Variants in VWA5B1 observed in about 807,000 individuals in gnomAD.
VWA5B1 encodes the protein von Willebrand factor A domain containing 5B1.
Under a neutral mutation model 118.2 loss-of-function variants are expected in VWA5B1, and 115 were observed. The ratio of observed to expected loss-of-function variants is 0.97; its 90% CI spans 0.84 to 1.14. VWA5B1 has a LOEUF of 1.14. VWA5B1 is among the 50% of genes most tolerant of loss of function. VWA5B1 has a pLI of 0.00. For synonymous variants in VWA5B1, 682 were observed against 658.4 expected (o/e 1.04, Z -0.55); for missense variants, 1,596 against 1,603.8 (o/e 1.00, Z 0.08).
intron 1 of VWA5B1, among the ~76,000 whole-genome samples, chr1:20,306,436 G>A (rs903720349): frequency 1.3e-5 from 2 of 152,166 alleles, no homozygotes; most frequent in Non-Finnish European, 2.9e-5. Context: ...GCTCCACTGG[G>A]AATAGACTGT....
At chr1:20,309,708 G>A (rs76510657) in intron 1 of VWA5B1, among the ~76,000 whole-genome samples, 1 of 152,292 alleles carries the variant, frequency 6.6e-6, no homozygotes, top group African/African-American at 2.4e-5. Context: ...TCCAGTTTAT[G>A]TGTCCAGAAT....
intron 2 of VWA5B1, 97 bp downstream of exon 2, chr1:20,310,837 T>C (rs1255277165): frequency 6.4e-6 from 9 of 1,396,734 alleles, no homozygotes. Flanking sequence ...AGGCAAGTCA[T>C]GCCACCCCTC....
chr1:20,303,468 G>T (rs1018864739), intron 1 of VWA5B1: 2 of 152,370 alleles, frequency 1.3e-5, no homozygotes, highest in African/African-American at 4.8e-5. Flanking sequence ...AGGGTCAGGG[G>T]TTACTAAGGC....
At chr1:20,351,749 C>A (rs977374285) in intron 20 of VWA5B1, among the ~76,000 whole-genome samples, 1 of 152,174 alleles carries the variant, frequency 6.6e-6, no homozygotes, top group Non-Finnish European at 1.5e-5. Flanking sequence ...GAGGTTGAGG[C>A]TGCAGTAAGC....
intron 1 of VWA5B1, among the ~76,000 whole-genome samples, chr1:20,294,944 A>G (rs1188767562): frequency 2.0e-5 from 3 of 152,196 alleles, no homozygotes; most frequent in African/African-American, 7.2e-5. Context: ...AGCCTTGGAG[A>G]GCTCAAAGAG....
rs559951744 is a variant in VWA5B1 at position 20,297,317 on chromosome 1, C to T, written c.-27+6229C>T. On this transcript the variant is annotated intron_variant, in intron 1 of 21. Coordinates refer to ENST00000289815, the MANE Select transcript of VWA5B1 (RefSeq NM_001039500.3). The stretch of plus-strand genomic sequence containing the variant: ...TGTACAAAGTAGGCCGTGCCTCTAA[C>T]GGAGGCTCCTTGGGGGCACATTCCT... 9.8e-5 allele frequency among the ~76,000 whole-genome samples: 15 copies of T among 152,364 alleles called. No homozygotes were observed. In the East Asian group the frequency reaches 2.3e-3, roughly 23 times the overall value.
In VWA5B1 at chr1:20,350,632, T is replaced by C. The variant is rs574733766; in HGVS notation, c.2954-225T>C. Reference sequence around the variant, plus strand: ...TAACTTTCCAGAAGATCCCAGGGGCTGCCGGCCAAGGAATCTTAGAGGCCA... The same window carrying C: ...TAACTTTCCAGAAGATCCCAGGGGCCGCCGGCCAAGGAATCTTAGAGGCCA... On this transcript the variant is annotated intron_variant, in intron 19 of 21. Transcript: ENST00000289815. 1.4e-4 allele frequency among the ~76,000 whole-genome samples: 21 copies of C among 152,374 alleles called. No homozygotes were observed. In the East Asian group the frequency reaches 4.0e-3, roughly 29 times the overall value.
chr1:20,312,642 C>T (rs2088882510), intron 2 of VWA5B1, among the ~76,000 whole-genome samples, 194 bp from the exon 3 acceptor site: 1 of 152,196 alleles, frequency 6.6e-6, no homozygotes, highest in Non-Finnish European at 1.5e-5. Flanking sequence ...AAGAGCTGGC[C>T]CTGCCGCTGT....
chr1:20,291,359 T>TTCTCTCTCTCTCTCTCTCTC (rs67596546), intron 1 of VWA5B1, among the ~76,000 whole-genome samples: 8 of 103,344 alleles, frequency 7.7e-5, no homozygotes, highest in African/African-American at 1.1e-4. Flanking sequence ...CTTTCTTTCT[T>TTCTCTCTCTCTCTCTCTCTC]TCTCTCTCTC....
chr1:20,353,870 G>C lies in VWA5B1; in HGVS notation c.3255G>C (p.Val1085=). 6.5e-7 allele frequency: 1 copy of C among 1,544,442 alleles called. No individual in the cohort carries two copies. ...CGTCCCCCTTCACCTGCCATCGAGTGTCCCTCACCACCCGCCCGTCTGAGT... is the reference window on the plus strand; with the variant it reads ...CGTCCCCCTTCACCTGCCATCGAGTCTCCCTCACCACCCGCCCGTCTGAGT... ...KWTSPFTCHR[V]SLTTRPSESK... The change falls in exon 22 of 22, where the codon GTG becomes GTC. Residue 1085 remains valine (V), a synonymous_variant. Coordinates refer to ENST00000289815, the MANE Select transcript of VWA5B1 (RefSeq NM_001039500.3).
At chr1:20,303,534 G>A (rs1211554916) in intron 1 of VWA5B1, among the ~76,000 whole-genome samples, 1 of 152,196 alleles carries the variant, frequency 6.6e-6, no homozygotes, top group Non-Finnish European at 1.5e-5. Context: ...AGGAAGCTAA[G>A]GCACAAGGAG....
chr1:20,325,427 C>T (rs6678511), intron 8 of VWA5B1, among the ~76,000 whole-genome samples: 23,982 of 152,110 alleles, frequency 0.16, 2,481 homozygotes, highest in African/African-American at 0.28. Flanking sequence ...TATATCCCTC[C>T]GCTCCCCTCC....
chr1:20,345,712 A>G, intron 17 of VWA5B1, 119 bp downstream of exon 17: 2 of 1,359,888 alleles, frequency 1.5e-6, no homozygotes, highest in Non-Finnish European at 1.9e-6. Flanking sequence ...GACAGGGCCT[A>G]GAAGCAGAAA....
intron 4 of VWA5B1, among the ~76,000 whole-genome samples, chr1:20,315,421 C>A (rs139001537): frequency 6.6e-6 from 1 of 152,334 alleles, no homozygotes; most frequent in East Asian, 1.9e-4. Context: ...TGGACAGTTT[C>A]TCTGTCCTCC....
At chr1:20,303,099 G>A (rs2088543193) in intron 1 of VWA5B1, 1 of 152,346 alleles carries the variant, frequency 6.6e-6, no homozygotes, top group South Asian at 2.1e-4. Context: ...AAGAGTGTTG[G>A]TGCTATTGGT....
chr1:20,327,186 T>G (rs2089412252), intron 8 of VWA5B1, among the ~76,000 whole-genome samples: 1 of 152,124 alleles, frequency 6.6e-6, no homozygotes. Context: ...TGGCTTTGAG[T>G]CCTGACTCCA....
intron 17 of VWA5B1, among the ~76,000 whole-genome samples, chr1:20,345,961 C>G (rs2089999422): frequency 6.6e-6 from 1 of 152,082 alleles, no homozygotes; most frequent in Non-Finnish European, 1.5e-5. Context: ...TACTAGTCAC[C>G]CACTTGGTGT....
chr1:20,340,206 C>T (rs2089839512), intron 14 of VWA5B1, among the ~76,000 whole-genome samples: 1 of 151,356 alleles, frequency 6.6e-6, no homozygotes, highest in African/African-American at 2.4e-5. Context: ...CGCGCACACA[C>T]ACACACACAC....
chr1:20,323,539 G>C lies in VWA5B1; in HGVS notation c.1143+7G>C, dbSNP rs766745384. 1 of 1,412,590 alleles carries C rather than the reference G, an allele frequency of 7.1e-7. No homozygotes were observed. Among genetic ancestry groups the C allele is most frequent in the South Asian group, 1.6e-5 (1 of 64,042 alleles). The allele number at this position is 1,412,590 out of a possible 1,614,324, so 87.5% of individuals were successfully genotyped here. On this transcript the variant is annotated splice_region_variant and intron_variant, in intron 8 of 21. Coordinates refer to ENST00000289815, the MANE Select transcript of VWA5B1 (RefSeq NM_001039500.3). ...CAGCATGCACCGAGTCAAGGTACCT[G>C]CTGAGAGAACCCCTCCCGAGGACCC...
Sources: gnomAD v4.1 joint callset for allele counts (sites outside exome capture counted in the v4.1 genomes callset) on GRCh38, gnomAD v4.1.1 for gene constraint, MANE v1.5 for transcripts, NCBI Gene and HGNC (gene_info 2026-07-23, HGNC 2026-07-21) for gene names.